The following ERBB4 variants were observed in gnomAD, a reference collection of about 807,000 sequenced individuals.
ERBB4 encodes the protein receptor tyrosine-protein kinase erbB-4.
Under a neutral mutation model 158.0 loss-of-function variants are expected in ERBB4, and 42 were observed. The ratio of observed to expected loss-of-function variants is 0.27; its 90% CI spans 0.21 to 0.34. The LOEUF is 0.34. ERBB4 is among the 10% of genes least tolerant of loss of function. The pLI, the probability that ERBB4 is intolerant of heterozygous loss-of-function variation, is 1.00. For synonymous variants in ERBB4, 583 were observed against 558.7 expected (o/e 1.04, Z -0.61); for missense variants, 1,333 against 1,624.1 (o/e 0.82, Z 3.08).
chr2:212,093,099 A>G (rs1405689365), intron 2 of ERBB4, among the ~76,000 whole-genome samples: 1 of 152,218 alleles, frequency 6.6e-6, no homozygotes, highest in Admixed American at 6.5e-5. Context: ...TTTACATGGA[A>G]AATGCTTCCA....
intron 20 of ERBB4, among the ~76,000 whole-genome samples, chr2:211,439,580 C>A (rs1359548681): frequency 6.6e-6 from 1 of 152,136 alleles, no homozygotes; most frequent in Non-Finnish European, 1.5e-5. Flanking sequence ...AATCAAGCTG[C>A]CTGCAAGACA....
intron 11 of ERBB4, 117 bp downstream of exon 11, chr2:211,703,987 G>A (rs2073346369): frequency 2.6e-6 from 2 of 758,288 alleles, no homozygotes; most frequent in Non-Finnish European, 4.9e-6. Flanking sequence ...AAATAAGGAT[G>A]GAAGCATGAT....
chr2:212,036,670 T>C (rs954309808), intron 2 of ERBB4, among the ~76,000 whole-genome samples: 5 of 152,110 alleles, frequency 3.3e-5, no homozygotes, highest in Admixed American at 6.6e-5. Flanking sequence ...TTCACCGTGT[T>C]AGTCAGGATG....
chr2:212,240,441 A>C (rs1574498766), intron 1 of ERBB4, among the ~76,000 whole-genome samples: 1 of 151,588 alleles, frequency 6.6e-6, no homozygotes, highest in African/African-American at 2.4e-5. Flanking sequence ...GACCAGCCTG[A>C]CCAACATGGT....
At chr2:211,689,381 T>C (rs2072706003) in intron 12 of ERBB4, among the ~76,000 whole-genome samples, 1 of 152,138 alleles carries the variant, frequency 6.6e-6, no homozygotes, top group South Asian at 2.1e-4. Flanking sequence ...GTTGTTTTTG[T>C]AGAGATGGAG....
chr2:212,339,837 CA>C (rs1376320561), intron 1 of ERBB4, among the ~76,000 whole-genome samples: 1 of 151,746 alleles, frequency 6.6e-6, no homozygotes, highest in Non-Finnish European at 1.5e-5. Flanking sequence ...TATTGTAGTC[CA>C]GAAAATCTGT....
intron 16 of ERBB4, among the ~76,000 whole-genome samples, chr2:211,633,843 A>G (rs1394829413): frequency 1.3e-5 from 2 of 152,104 alleles, no homozygotes; most frequent in Non-Finnish European, 2.9e-5. Context: ...TACATCTAAC[A>G]AAGGTCAAAT....
chr2:212,306,481 G>A (rs1333354147), intron 1 of ERBB4, among the ~76,000 whole-genome samples: 2 of 151,330 alleles, frequency 1.3e-5, no homozygotes, highest in East Asian at 2.0e-4. Flanking sequence ...TAATTATATG[G>A]CACTGGGAAT....
rs568497705 is a variant in ERBB4, at chr2:212,051,653, T to G, written c.234+73099A>C. 3.3e-5 allele frequency among the ~76,000 whole-genome samples: 5 copies of G among 152,214 alleles called. No homozygotes were observed. The South Asian group carries it at 8.3e-4, about 25-fold the overall frequency. ...ACACATAATTTAAAGAAAATCTGAG[T>G]GCAAAACAACCTTATTTTAAACTAT... On this transcript the variant is annotated intron_variant, in intron 2 of 27. Coordinates refer to ENST00000342788, the MANE Select transcript of ERBB4 (RefSeq NM_005235.3).
chr2:212,191,917 A>G (rs1024252904), intron 1 of ERBB4, among the ~76,000 whole-genome samples: 13 of 141,574 alleles, frequency 9.2e-5, no homozygotes, highest in African/African-American at 3.3e-4. Context: ...TACATATGTT[A>G]TATATGTTAT....
At chr2:211,822,412 A>C (rs965551470) in intron 3 of ERBB4, among the ~76,000 whole-genome samples, 3 of 152,084 alleles carry the variant, frequency 2.0e-5, no homozygotes, top group African/African-American at 7.2e-5. Context: ...AAATGTATAG[A>C]TATAACGTGT....
At chr2:211,823,632 C>T (rs1559549409) in intron 3 of ERBB4, among the ~76,000 whole-genome samples, 1 of 151,956 alleles carries the variant, frequency 6.6e-6, no homozygotes, top group Non-Finnish European at 1.5e-5. Flanking sequence ...CTTCCTTATG[C>T]TATTGTGGTA....
At chr2:211,493,906 G>T (rs917446477) in intron 20 of ERBB4, among the ~76,000 whole-genome samples, 1 of 151,990 alleles carries the variant, frequency 6.6e-6, no homozygotes, top group African/African-American at 2.4e-5. Context: ...GCCTCATCCT[G>T]ACCTATGATG....
intron 3 of ERBB4, among the ~76,000 whole-genome samples, chr2:211,801,001 T>C (rs185635316): frequency 6.6e-6 from 1 of 152,242 alleles, no homozygotes; most frequent in African/African-American, 2.4e-5. Flanking sequence ...AATTTATCTC[T>C]ATGTGCTTTA....
intron 1 of ERBB4, among the ~76,000 whole-genome samples, chr2:212,295,295 A>G (rs1472062215): frequency 6.6e-6 from 1 of 152,118 alleles, no homozygotes; most frequent in Non-Finnish European, 1.5e-5. Context: ...AATTCAGCAC[A>G]TTAAGAAATG....
At chr2:211,477,360 T>G (rs905260949) in intron 20 of ERBB4, among the ~76,000 whole-genome samples, 2 of 152,116 alleles carry the variant, frequency 1.3e-5, no homozygotes, top group Non-Finnish European at 2.9e-5. Flanking sequence ...ACATTTATTC[T>G]GTTGGTTTTA....
At chr2:212,286,594 C>CTTTTTTTTTTTTTTTTTTTTTTTTTTT (rs71054190) in intron 1 of ERBB4, among the ~76,000 whole-genome samples, 3 of 55,540 alleles carry the variant, frequency 5.4e-5, no homozygotes, top group South Asian at 6.7e-4. Context: ...TAAGTGCTGA[C>CTTTTTTTTTTTTTTTTTTTTTTTTTTT]TTTTTTTTTT....
At chr2:211,602,530 C>G (rs1030551819) in intron 19 of ERBB4, among the ~76,000 whole-genome samples, 1 of 152,092 alleles carries the variant, frequency 6.6e-6, no homozygotes, top group African/African-American at 2.4e-5. Flanking sequence ...TCTCCTACCC[C>G]CTGGCCAAAA....
At chr2:211,594,450 C>CAA (rs201252544) in intron 19 of ERBB4, among the ~76,000 whole-genome samples, 2 of 146,142 alleles carry the variant, frequency 1.4e-5, no homozygotes, top group African/African-American at 5.3e-5. Context: ...ACAAAAATAA[C>CAA]AAATAAAAAA....
Sources: allele counts gnomAD v4.1 joint callset (sites outside exome capture counted in the v4.1 genomes callset), GRCh38; gene constraint gnomAD v4.1.1; transcripts MANE v1.5; gene names NCBI Gene and HGNC (gene_info 2026-07-23, HGNC 2026-07-21).